The following SLC9A9 variants were observed in gnomAD, a reference collection of about 807,000 sequenced individuals.
The protein encoded by SLC9A9 is sodium/hydrogen exchanger 9.
In SLC9A9, 62 loss-of-function variants were observed where a neutral mutation model predicts 77.8. The observed-to-expected ratio is 0.80, with a 90% CI of 0.65 to 0.98. The LOEUF is 0.98. Among genes scored for constraint, SLC9A9 ranks in the 50% least tolerant of loss-of-function variants. SLC9A9 has a pLI of 0.00. For synonymous variants in SLC9A9, 320 were observed against 283.5 expected, an observed-to-expected ratio of 1.13 and a Z score of -1.29; for missense variants, 775 against 774.9, an observed-to-expected ratio of 1.00 and a Z score of 0.00.
At chr3:143,452,921 T>C (rs560824561) in intron 12 of SLC9A9, among the ~76,000 whole-genome samples, 2 of 152,214 alleles carry the variant, frequency 1.3e-5, no homozygotes, top group East Asian at 3.9e-4. Flanking sequence ...ATAAGAAGCA[T>C]GTGATGACTA....
At chr3:143,520,734 G>T (rs2036282462) in intron 9 of SLC9A9, among the ~76,000 whole-genome samples, 3 of 152,144 alleles carry the variant, frequency 2.0e-5, no homozygotes, top group Admixed American at 2.0e-4. Flanking sequence ...TCTGAACCCA[G>T]CTAGTCTGAC....
At chr3:143,296,789 G>T (rs2030288700) in intron 14 of SLC9A9, among the ~76,000 whole-genome samples, 1 of 152,134 alleles carries the variant, frequency 6.6e-6, no homozygotes. Flanking sequence ...TATTAGTGAT[G>T]TTGAGCATTT....
chr3:143,685,001 T>C (rs1933217203), intron 5 of SLC9A9, among the ~76,000 whole-genome samples: 2 of 152,116 alleles, frequency 1.3e-5, no homozygotes, highest in Non-Finnish European at 2.9e-5. Flanking sequence ...TATTACAGTA[T>C]TTCTATTAAG....
intron 7 of SLC9A9, among the ~76,000 whole-genome samples, chr3:143,575,227 T>C (rs2037338340): frequency 6.6e-6 from 1 of 152,212 alleles, no homozygotes; most frequent in Non-Finnish European, 1.5e-5. Flanking sequence ...TGAAGTATGG[T>C]AAACATGTTT....
intron 6 of SLC9A9, among the ~76,000 whole-genome samples, chr3:143,580,887 C>A (rs2037440113): frequency 6.6e-6 from 1 of 152,102 alleles, no homozygotes; most frequent in South Asian, 2.1e-4. Flanking sequence ...TAGGTGCCTG[C>A]CATGTGACAA....
chr3:143,630,722 T>G (rs116614049), intron 6 of SLC9A9, among the ~76,000 whole-genome samples: 2,968 of 152,258 alleles, frequency 0.019, 91 homozygotes, highest in African/African-American at 0.067. Flanking sequence ...ATTTAAAAAA[T>G]AAATTCATAT....
intron 12 of SLC9A9, among the ~76,000 whole-genome samples, chr3:143,432,798 T>C (rs546032751): frequency 1.1e-4 from 17 of 152,326 alleles, no homozygotes; most frequent in African/African-American, 4.1e-4. Flanking sequence ...CGGCTAATTT[T>C]TGTATTTTTA....
chr3:143,391,994 T>A (rs924112168), intron 12 of SLC9A9, among the ~76,000 whole-genome samples: 1 of 151,758 alleles, frequency 6.6e-6, no homozygotes, highest in Non-Finnish European at 1.5e-5. Flanking sequence ...CTGAAAGTGA[T>A]GGGGAGAATG....
chr3:143,604,014 A>G (rs1344589364), intron 6 of SLC9A9, among the ~76,000 whole-genome samples: 1 of 152,228 alleles, frequency 6.6e-6, no homozygotes, highest in East Asian at 1.9e-4. Context: ...GATAACAGAA[A>G]AAAACACATT....
At chr3:143,503,575 T>C (rs1033389081) in intron 9 of SLC9A9, 2 of 418,722 alleles carry the variant, frequency 4.8e-6, no homozygotes, top group Non-Finnish European at 9.5e-6. Flanking sequence ...AGTGGGAACA[T>C]GGAAGGATAT....
At chr3:143,706,440 G>T (rs1450264568) in intron 4 of SLC9A9, among the ~76,000 whole-genome samples, 1 of 150,874 alleles carries the variant, frequency 6.6e-6, no homozygotes, top group Non-Finnish European at 1.5e-5. Flanking sequence ...CATCCATTTG[G>T]CCCACTCTAC....
intron 9 of SLC9A9, among the ~76,000 whole-genome samples, chr3:143,509,180 T>C (rs2036074976): frequency 6.6e-6 from 1 of 152,150 alleles, no homozygotes; most frequent in Non-Finnish European, 1.5e-5. Flanking sequence ...AAAGAGGCTT[T>C]ATAAATCAGA....
At chr3:143,678,300 T>C (rs1458209954) in intron 5 of SLC9A9, among the ~76,000 whole-genome samples, 1 of 152,214 alleles carries the variant, frequency 6.6e-6, no homozygotes, top group Non-Finnish European at 1.5e-5. Context: ...TAAATGTATT[T>C]TCTTTTTATA....
At chr3:143,788,957 A>C (rs1054651093) in intron 4 of SLC9A9, among the ~76,000 whole-genome samples, 1 of 152,178 alleles carries the variant, frequency 6.6e-6, no homozygotes, top group Non-Finnish European at 1.5e-5. Flanking sequence ...AATACCAAAG[A>C]AGAAAATAAA....
chr3:143,528,574 A>T (rs141654257), intron 9 of SLC9A9, among the ~76,000 whole-genome samples: 2 of 152,286 alleles, frequency 1.3e-5, no homozygotes, highest in East Asian at 3.9e-4. Context: ...CCCTATGAAC[A>T]ACTCTGTGAG....
At chr3:143,541,109 C>G (rs1185582107) in intron 9 of SLC9A9, among the ~76,000 whole-genome samples, 1 of 152,154 alleles carries the variant, frequency 6.6e-6, no homozygotes, top group African/African-American at 2.4e-5. Context: ...GAATTAATCC[C>G]CTCCCATTGC....
At chr3:143,715,709 A>G (rs765658743) in intron 4 of SLC9A9, among the ~76,000 whole-genome samples, 1 of 152,134 alleles carries the variant, frequency 6.6e-6, no homozygotes, top group Non-Finnish European at 1.5e-5. Flanking sequence ...ATTAGAGAGG[A>G]AGGCCAAGGC....
At chr3:143,421,348 A>C (rs570790505) in intron 12 of SLC9A9, among the ~76,000 whole-genome samples, 2 of 152,294 alleles carry the variant, frequency 1.3e-5, no homozygotes, top group East Asian at 3.9e-4. Context: ...AAGACATCAC[A>C]TTGTCTCACA....
Position 143,382,110 on chromosome 3 carries a change from C to T in SLC9A9, c.1474G>A (p.Gly492Ser), listed in dbSNP as rs1455825293. 1 of 1,614,046 alleles carries T rather than the reference C, an allele frequency of 6.2e-7. No individual in the cohort carries two copies. Among genetic ancestry groups the T allele is most frequent in the Admixed American group, 1.7e-5 (1 of 60,014 alleles). The change falls in exon 13 of 16, where the codon GGC becomes AGC. Residue 492 changes from glycine (G) to serine (S), a missense_variant. By Grantham distance (56) the Gly-to-Ser change is moderately conservative. Coordinates refer to ENST00000316549, the MANE Select transcript of SLC9A9 (RefSeq NM_173653.4). ...TTCAGATTTTCATCCAGGTCCACGC[C>T]AACTCTGTTAAACAAAACCAAAAAC... is the stretch of plus-strand genomic sequence containing the variant. ...PMLTWLQIRV[G>S]VDLDENLKED...
Sources: allele counts gnomAD v4.1 joint callset (sites outside exome capture counted in the v4.1 genomes callset), GRCh38; gene constraint gnomAD v4.1.1; transcripts MANE v1.5; gene names NCBI Gene and HGNC (gene_info 2026-07-23, HGNC 2026-07-21).